The following RNFT2 variants were observed in gnomAD, a reference collection of about 807,000 sequenced individuals.
RNFT2 encodes ring finger protein, transmembrane 2.
Under a neutral mutation model 53.0 loss-of-function variants are expected in RNFT2, and 36 were observed. The ratio of observed to expected loss-of-function variants is 0.68; its 90% CI spans 0.52 to 0.90. The LOEUF (loss-of-function observed/expected upper bound fraction) is 0.90, where lower values mean the gene tolerates loss of function less well. Ranked by LOEUF, RNFT2 falls within the 40% of genes least tolerant of loss-of-function variation. The probability of loss-of-function intolerance (pLI) is 0.00; values close to 1 mark genes in which losing one functional copy is unlikely to be tolerated. For synonymous variants in RNFT2, 260 were observed against 253.2 expected (o/e 1.03, Z -0.26); for missense variants, 514 against 585.6 (o/e 0.88, Z 1.26).
At chr12:116,846,519 G>C (rs1287284492) in intron 10 of RNFT2, among the ~76,000 whole-genome samples, 2 of 148,704 alleles carry the variant, frequency 1.3e-5, no homozygotes, top group Admixed American at 1.4e-4. Context: ...CAAACTCCTG[G>C]CCTCGAGCCA....
chr12:116,816,077 T>A (rs1248655364), intron 7 of RNFT2, among the ~76,000 whole-genome samples: 1 of 152,180 alleles, frequency 6.6e-6, no homozygotes, highest in East Asian at 1.9e-4. Context: ...TGGGGACAGA[T>A]AAGCTCATCC....
At chr12:116,807,715 C>T (rs934893796) in intron 7 of RNFT2, among the ~76,000 whole-genome samples, 1 of 152,166 alleles carries the variant, frequency 6.6e-6, no homozygotes, top group Non-Finnish European at 1.5e-5. Context: ...ACCATACACC[C>T]TTGTCCCCAG....
In RNFT2 at chr12:116,852,890, C is replaced by T; in HGVS notation, c.*3442C>T. ...TTACTAGTGAATACCCCAATGGTTT[C>T]TCCAATTATGCCCATGCCACCAAAA... On this transcript the variant is annotated 3_prime_UTR_variant, in exon 11 of 11. Coordinates refer to ENST00000257575, the MANE Select transcript of RNFT2 (RefSeq NM_001382266.1). The T allele has an allele frequency of 3.2e-6, 2 of 625,216 alleles. No homozygotes were observed. The highest frequency in any genetic ancestry group is 5.6e-6 in the Non-Finnish European group (2 of 359,718). 38.7% of individuals were successfully genotyped at this position (625,216 alleles called of 1,614,324 possible).
In RNFT2 at chr12:116,849,304, G is replaced by A; in HGVS notation, c.1201-10G>A. ...AGAGTCCTGGTGCCTGCTGATTGCT[G>A]TCCCCGCAGCACGTGTTCTGTGAGG... On this transcript the variant is annotated splice_polypyrimidine_tract_variant and intron_variant, in intron 10 of 10. Coordinates refer to ENST00000257575, the MANE Select transcript of RNFT2 (RefSeq NM_001382266.1). 2 of 1,531,908 alleles carry A rather than the reference G, an allele frequency of 1.3e-6. No individual in the cohort carries two copies. The highest frequency in any genetic ancestry group is 1.8e-6 in the Non-Finnish European group (2 of 1,140,344). The allele number at this position is 1,531,908 out of a possible 1,614,324, so 94.9% of individuals were successfully genotyped here.
chr12:116,830,595 A>G (rs974758401), intron 7 of RNFT2, among the ~76,000 whole-genome samples: 1 of 151,940 alleles, frequency 6.6e-6, no homozygotes, highest in South Asian at 2.1e-4. Context: ...GCCTATTGAC[A>G]TTTTTTGCTA....
At chr12:116,836,575 C>T (rs1220625474) in intron 10 of RNFT2, among the ~76,000 whole-genome samples, 3 of 152,154 alleles carry the variant, frequency 2.0e-5, no homozygotes, top group Non-Finnish European at 4.4e-5. Flanking sequence ...GCATTCTTGA[C>T]CCCCTGTGGG....
At chr12:116,817,336 CAGG>C (rs1182538778) in intron 7 of RNFT2, among the ~76,000 whole-genome samples, 9 of 152,032 alleles carry the variant, frequency 5.9e-5, no homozygotes, top group African/African-American at 1.9e-4. Context: ...TAAATAGAGA[CAGG>C]AGGTCTCATG....
At chr12:116,796,948 A>C (rs1874531248) in intron 7 of RNFT2, among the ~76,000 whole-genome samples, 1 of 152,196 alleles carries the variant, frequency 6.6e-6, no homozygotes, top group South Asian at 2.1e-4. Flanking sequence ...TAATTTCTGG[A>C]TCATTTTTAG....
chr12:116,745,751 C>G (rs959524725), intron 3 of RNFT2, among the ~76,000 whole-genome samples: 3 of 152,178 alleles, frequency 2.0e-5, no homozygotes, highest in African/African-American at 7.2e-5. Context: ...ACTTGCAGGC[C>G]TTCTCAGAGC....
At chr12:116,802,947 T>A (rs76196473) in intron 7 of RNFT2, among the ~76,000 whole-genome samples, 1 of 150,680 alleles carries the variant, frequency 6.6e-6, no homozygotes, top group African/African-American at 2.5e-5. Context: ...AAAAAAAAAT[T>A]AGCCTAGCAC....
At chr12:116,841,660 G>A (rs1877256278) in intron 10 of RNFT2, among the ~76,000 whole-genome samples, 1 of 147,488 alleles carries the variant, frequency 6.8e-6, no homozygotes, top group African/African-American at 2.5e-5. Context: ...GGGCAGGAGA[G>A]TCACTGGAAC....
intron 3 of RNFT2, among the ~76,000 whole-genome samples, chr12:116,747,760 G>A (rs554203374): frequency 2.0e-5 from 3 of 152,234 alleles, no homozygotes; most frequent in Admixed American, 2.0e-4. Context: ...GGTCTGTGGA[G>A]GTGCCTGCAG....
intron 3 of RNFT2, among the ~76,000 whole-genome samples, chr12:116,749,279 TC>T (rs200360671): frequency 1.3e-3 from 58 of 43,162 alleles, no homozygotes; most frequent in Middle Eastern, 0.012. Flanking sequence ...TCTTCCTCTT[TC>T]CCCCCCCACC....
intron 3 of RNFT2, among the ~76,000 whole-genome samples, chr12:116,749,603 A>G (rs1483916558): frequency 6.6e-6 from 1 of 152,094 alleles, no homozygotes; most frequent in African/African-American, 2.4e-5. Flanking sequence ...CAGGGACAGC[A>G]GTCACACTGG....
At chr12:116,783,046 C>A (rs1259486527) in intron 7 of RNFT2, among the ~76,000 whole-genome samples, 4 of 152,186 alleles carry the variant, frequency 2.6e-5, no homozygotes, top group Non-Finnish European at 5.9e-5. Flanking sequence ...GTGCTCAATA[C>A]ATGTTGGCTA....
In RNFT2 at chr12:116,792,616, C is replaced by T. The variant is rs528249530; in HGVS notation, c.882+13268C>T. Among the ~76,000 whole-genome samples the T allele has an allele frequency of 1.1e-4, 17 of 152,106 alleles. No homozygotes were observed. In the East Asian group the frequency reaches 1.7e-3, roughly 16 times the overall value. On this transcript the variant is annotated intron_variant, in intron 7 of 10. Coordinates refer to ENST00000257575, the MANE Select transcript of RNFT2 (RefSeq NM_001382266.1). ...GTGAGATTAATGTGCCAGGTCAGCG[C>T]GTAATCTAGCCTGTAGAAAGTGATG...
intron 10 of RNFT2, among the ~76,000 whole-genome samples, chr12:116,837,018 T>C (rs1440001125): frequency 6.6e-6 from 1 of 152,172 alleles, no homozygotes; most frequent in Non-Finnish European, 1.5e-5. Context: ...AGAACTAAAT[T>C]TCAATTATTC....
chr12:116,771,494 A>ATAT (rs1349510091), intron 6 of RNFT2, among the ~76,000 whole-genome samples: 10 of 112,606 alleles, frequency 8.9e-5, no homozygotes, highest in African/African-American at 3.4e-4. Flanking sequence ...AAAAAAAAAA[A>ATAT]ATACGTATAT....
At chr12:116,813,177 T>C (rs1415640799) in intron 7 of RNFT2, among the ~76,000 whole-genome samples, 1 of 151,732 alleles carries the variant, frequency 6.6e-6, no homozygotes, top group Non-Finnish European at 1.5e-5. Context: ...CAGGTTGGCC[T>C]TGAACTCTTG....
Sources: gnomAD v4.1 joint callset for allele counts (sites outside exome capture counted in the v4.1 genomes callset) on GRCh38, gnomAD v4.1.1 for gene constraint, MANE v1.5 for transcripts, NCBI Gene and HGNC (gene_info 2026-07-23, HGNC 2026-07-21) for gene names.